GALNT13: variants seen among roughly 807,000 people sequenced by gnomAD.
GALNT13 encodes polypeptide N-acetylgalactosaminyltransferase 13.
GALNT13 carries 28 observed loss-of-function variants against 64.2 expected under a neutral mutation model. That is an observed-to-expected ratio of 0.44 (90% confidence interval 0.32 to 0.60). The LOEUF (loss-of-function observed/expected upper bound fraction) is 0.60, where lower values mean the gene tolerates loss of function less well. Among genes scored for constraint, GALNT13 ranks in the 20% least tolerant of loss-of-function variants. The probability of loss-of-function intolerance (pLI) is 0.05; values close to 1 mark genes in which losing one functional copy is unlikely to be tolerated. For synonymous variants in GALNT13, 214 were observed against 224.6 expected (o/e 0.95, Z 0.42); for missense variants, 577 against 669.8 (o/e 0.86, Z 1.53).
At chr2:154,339,406 T>A (rs1374057172) in intron 9 of GALNT13, among the ~76,000 whole-genome samples, 1 of 152,092 alleles carries the variant, frequency 6.6e-6, no homozygotes, top group Non-Finnish European at 1.5e-5. Flanking sequence ...AAAAAAATAG[T>A]GGGTGTACTT....
chr2:154,165,640 C>T (rs1177566868), intron 4 of GALNT13, among the ~76,000 whole-genome samples: 1 of 152,096 alleles, frequency 6.6e-6, no homozygotes, highest in African/African-American at 2.4e-5. Context: ...GGAATAGATG[C>T]AGCATAACAT....
At chr2:153,539,113 G>A in the GALNT13 span, among the ~76,000 whole-genome samples, 1 of 141,212 alleles carries the variant, frequency 7.1e-6, no homozygotes, top group African/African-American at 2.8e-5. Flanking sequence ...ATCTCATTGT[G>A]GTTTTGATTT....
the GALNT13 span, among the ~76,000 whole-genome samples, chr2:153,411,775 C>A: frequency 6.6e-6 from 1 of 152,166 alleles, no homozygotes; most frequent in African/African-American, 2.4e-5. Flanking sequence ...GGTAGAAATG[C>A]TTTTGCCTCT....
chr2:153,728,604 C>G, the GALNT13 span, among the ~76,000 whole-genome samples: 1 of 152,026 alleles, frequency 6.6e-6, no homozygotes, highest in Non-Finnish European at 1.5e-5. Context: ...CAAGAGAAAA[C>G]AAATCCAAAA....
chr2:153,401,205 G>T, the GALNT13 span, among the ~76,000 whole-genome samples: 4 of 152,084 alleles, frequency 2.6e-5, no homozygotes, highest in Non-Finnish European at 5.9e-5. Flanking sequence ...TTCAGGAGCA[G>T]GTTGTTCAGT....
chr2:153,903,751 C>T (rs1688383864), intron 2 of GALNT13, among the ~76,000 whole-genome samples: 1 of 151,942 alleles, frequency 6.6e-6, no homozygotes, highest in Non-Finnish European at 1.5e-5. Flanking sequence ...TTTTCAATTT[C>T]ACCTACATAA....
At chr2:153,438,633 G>C in the GALNT13 span, among the ~76,000 whole-genome samples, 3 of 152,098 alleles carry the variant, frequency 2.0e-5, no homozygotes, top group Non-Finnish European at 4.4e-5. Flanking sequence ...ACTGAGGCTT[G>C]TGCATTCATC....
At chr2:153,540,283 T>C in the GALNT13 span, among the ~76,000 whole-genome samples, 2 of 152,188 alleles carry the variant, frequency 1.3e-5, no homozygotes, top group South Asian at 2.1e-4. Context: ...AGCTTCCATA[T>C]GGTATTGGTC....
chr2:153,834,645 T>A, the GALNT13 span, among the ~76,000 whole-genome samples: 2 of 152,012 alleles, frequency 1.3e-5, no homozygotes, highest in Non-Finnish European at 2.9e-5. Flanking sequence ...GAGGCAAGAG[T>A]ATCTATGCTC....
the GALNT13 span, among the ~76,000 whole-genome samples, chr2:153,124,500 TTTTG>T: frequency 7.9e-5 from 12 of 152,132 alleles, no homozygotes; most frequent in South Asian, 6.2e-4. Flanking sequence ...GCTCGCTTTG[TTTTG>T]TTTGTTTGTT....
chr2:153,433,865 C>T, the GALNT13 span, among the ~76,000 whole-genome samples: 2 of 151,926 alleles, frequency 1.3e-5, no homozygotes, highest in African/African-American at 4.8e-5. Flanking sequence ...TTTTAGGGTA[C>T]ATGTGCACCA....
At chr2:153,825,502 G>C in the GALNT13 span, among the ~76,000 whole-genome samples, 2 of 152,036 alleles carry the variant, frequency 1.3e-5, no homozygotes, top group African/African-American at 4.8e-5. Flanking sequence ...AAATTATACT[G>C]TCAGTTAGCT....
At chr2:154,080,714 C>G (rs1455640724) in intron 3 of GALNT13, among the ~76,000 whole-genome samples, 2 of 151,610 alleles carry the variant, frequency 1.3e-5, no homozygotes, top group Non-Finnish European at 3.0e-5. Context: ...TCCACTTTCT[C>G]CCTAATCCTT....
rs529899545 is a variant in GALNT13, at chr2:154,035,081, T to C, written c.142+90442T>C. 1.1e-4 allele frequency among the ~76,000 whole-genome samples: 17 copies of C among 152,204 alleles called. No homozygotes were observed. The South Asian group carries it at 2.9e-3, about 26-fold the overall frequency. On this transcript the variant is annotated intron_variant, in intron 3 of 12. Coordinates refer to ENST00000392825, the MANE Select transcript of GALNT13 (RefSeq NM_052917.4). ...CTGGGTATATTCACTTGTATATTTA[T>C]CACAGCACTATTCACAATAGTAAAG...
the GALNT13 span, among the ~76,000 whole-genome samples, chr2:153,721,939 G>C: frequency 1.3e-5 from 2 of 149,640 alleles, no homozygotes; most frequent in Non-Finnish European, 3.0e-5. Context: ...ATTGAACTCA[G>C]CTCTGCACCA....
intron 8 of GALNT13, among the ~76,000 whole-genome samples, chr2:154,293,665 C>T (rs552369281): frequency 6.6e-6 from 1 of 152,200 alleles, no homozygotes; most frequent in African/African-American, 2.4e-5. Context: ...TAGCATGTGA[C>T]AGAGCCTGTA....
chr2:154,043,412 T>A (rs34553722), intron 3 of GALNT13, among the ~76,000 whole-genome samples: 2 of 81,006 alleles, frequency 2.5e-5, no homozygotes, highest in African/African-American at 5.6e-5. Flanking sequence ...CTATAAGGAC[T>A]TTTATATATA....
the GALNT13 span, among the ~76,000 whole-genome samples, chr2:153,147,718 T>G: frequency 1.1e-4 from 17 of 151,810 alleles, no homozygotes; most frequent in Non-Finnish European, 2.1e-4. Context: ...TATAGGGAAA[T>G]TTGGATACAA....
chr2:153,117,663 T>A, the GALNT13 span, among the ~76,000 whole-genome samples: 1 of 152,218 alleles, frequency 6.6e-6, no homozygotes, highest in Non-Finnish European at 1.5e-5. Flanking sequence ...TTTACTCACA[T>A]ACTTACATGT....
Sources: allele counts gnomAD v4.1 joint callset (sites outside exome capture counted in the v4.1 genomes callset), GRCh38; gene constraint gnomAD v4.1.1; transcripts MANE v1.5; gene names NCBI Gene and HGNC (gene_info 2026-07-23, HGNC 2026-07-21).